Variants in PRKCE observed in about 807,000 individuals in gnomAD.
PRKCE encodes protein kinase C epsilon type.
Under a neutral mutation model 85.4 loss-of-function variants are expected in PRKCE, and 16 were observed. That is an observed-to-expected ratio of 0.19 (90% CI 0.13 to 0.28). The LOEUF (loss-of-function observed/expected upper bound fraction) is 0.28. Among genes scored for constraint, PRKCE ranks in the 10% least tolerant of loss-of-function variants. The pLI, the probability that PRKCE is intolerant of heterozygous loss-of-function variation, is 1.00. For synonymous variants in PRKCE, 388 were observed against 371.5 expected (o/e 1.04, Z -0.51); for missense variants, 573 against 975.2 (o/e 0.59, Z 5.49).
At position 46,111,130 on chromosome 2, in the gene PRKCE, A is replaced by T. The variant is rs80048765; in HGVS notation, c.1592+24768A>T. Among the ~76,000 whole-genome samples, 861 of 152,292 alleles carry T rather than the reference A, an allele frequency of 5.7e-3. 10 individuals carry two copies. Among genetic ancestry groups the T allele is most frequent in the African/African-American group, 0.02 (817 of 41,572 alleles). ...TGTGATCTATCTTGATGACCATTAC[A>T]TGCAAGCTTGAGAAGAATGTGAATT... On this transcript the variant is annotated intron_variant, in intron 11 of 14. Coordinates refer to ENST00000306156, the MANE Select transcript of PRKCE (RefSeq NM_005400.3).
At chr2:45,659,768 A>G (rs1213646951) in intron 1 of PRKCE, among the ~76,000 whole-genome samples, 1 of 151,390 alleles carries the variant, frequency 6.6e-6, no homozygotes, top group East Asian at 1.9e-4. Flanking sequence ...GTTCTCAGTA[A>G]GGCCTTTTCT....
intron 1 of PRKCE, chr2:45,686,438 T>C (rs1285207513): frequency 6.6e-6 from 1 of 152,230 alleles, no homozygotes; most frequent in Admixed American, 6.5e-5. Context: ...GAAAAAGGTA[T>C]ACATGCAGAA....
chr2:45,809,320 TC>T (rs201375092), intron 1 of PRKCE, among the ~76,000 whole-genome samples: 1,883 of 152,316 alleles, frequency 0.012, 14 homozygotes, highest in Middle Eastern at 0.02. Flanking sequence ...CATTCATAAC[TC>T]TTTTTGATAC....
chr2:45,919,308 G>C (rs1016210936), intron 2 of PRKCE, among the ~76,000 whole-genome samples: 2 of 152,198 alleles, frequency 1.3e-5, no homozygotes, highest in African/African-American at 4.8e-5. Context: ...GGCTGGGCTG[G>C]GCCGTGGACT....
rs1433805605 is a variant in PRKCE, at chr2:46,085,748, T to G, written c.1438-460T>G. ...ATCTGCAAAATCCGTTTTTTTTTTT[T>G]GTTTTTGTTTTTTTTTTTTTTTTTA... On this transcript the variant is annotated intron_variant, in intron 10 of 14. Transcript: ENST00000306156. 2.4e-3 allele frequency among the ~76,000 whole-genome samples: 85 copies of G among 35,430 alleles called. 12 individuals carry two copies. The highest frequency in any genetic ancestry group is 8.1e-3 in the African/African-American group (62 of 7,674). 23.2% of individuals were successfully genotyped at this position (35,430 alleles called of 152,430 possible).
At chr2:45,975,078 A>T (rs1001239966) in intron 2 of PRKCE, among the ~76,000 whole-genome samples, 3 of 152,192 alleles carry the variant, frequency 2.0e-5, no homozygotes, top group Non-Finnish European at 4.4e-5. Flanking sequence ...TCTCTGGGTT[A>T]GAATCTGGGC....
chr2:45,972,251 G>A (rs986904039), intron 2 of PRKCE, among the ~76,000 whole-genome samples: 2 of 152,022 alleles, frequency 1.3e-5, no homozygotes, highest in Admixed American at 6.6e-5. Context: ...TATACCTGTT[G>A]GCCATTTGTA....
At chr2:45,766,987 G>C (rs1048515619) in intron 1 of PRKCE, among the ~76,000 whole-genome samples, 1 of 151,898 alleles carries the variant, frequency 6.6e-6, no homozygotes, top group Non-Finnish European at 1.5e-5. Flanking sequence ...GTTGCAGTGA[G>C]CTGAGATCAG....
chr2:46,138,930 T>G lies in PRKCE; in HGVS notation c.1593-6163T>G, dbSNP rs867567684. 1.3e-5 allele frequency among the ~76,000 whole-genome samples: 2 copies of G among 152,124 alleles called. No individual in the cohort carries two copies. Among genetic ancestry groups the G allele is most frequent in the African/African-American group, 4.8e-5 (2 of 41,412 alleles). On this transcript the variant is annotated intron_variant, in intron 11 of 14. Coordinates refer to ENST00000306156, the MANE Select transcript of PRKCE (RefSeq NM_005400.3). The surrounding 1 kb of genome is among the most constrained non-coding windows in gnomAD (Gnocchi z 4.2). ...GGGAAGCTGAAGAGCCTGGTTCTTA[T>G]CACCTTCCTATAGCCCACATCCCAG...
At chr2:45,794,114 G>A (rs1687233022) in intron 1 of PRKCE, among the ~76,000 whole-genome samples, 1 of 152,146 alleles carries the variant, frequency 6.6e-6, no homozygotes, top group Admixed American at 6.5e-5. Context: ...TCAGCTTGTT[G>A]CAAATGGAAT....
chr2:45,669,743 G>A (rs1225407919), intron 1 of PRKCE, among the ~76,000 whole-genome samples: 1 of 152,178 alleles, frequency 6.6e-6, no homozygotes, highest in African/African-American at 2.4e-5. Context: ...GGGCATGGTG[G>A]CTCATGCCTG....
intron 2 of PRKCE, among the ~76,000 whole-genome samples, chr2:45,969,506 C>T (rs1286661554): frequency 6.6e-6 from 1 of 152,276 alleles, no homozygotes; most frequent in East Asian, 1.9e-4. Flanking sequence ...GGCATGGATC[C>T]GGCAACTCTG....
chr2:46,065,531 G>T (rs573385790), intron 10 of PRKCE, among the ~76,000 whole-genome samples: 1 of 152,224 alleles, frequency 6.6e-6, no homozygotes, highest in Non-Finnish European at 1.5e-5. Context: ...CATCTGAATA[G>T]CCAAAAGTTA....
rs374574419 is a variant in PRKCE, at chr2:45,669,457, C to G, written c.348+17009C>G. On this transcript the variant is annotated intron_variant, in intron 1 of 14. Coordinates refer to ENST00000306156, the MANE Select transcript of PRKCE (RefSeq NM_005400.3). ...CAGCCTCAGTGCTGGGCTGTGTTCT[C>G]TTACCGCGCAGCGTGGCTGAAGCCT... is the stretch of plus-strand genomic sequence containing the variant. Among the ~76,000 whole-genome samples the G allele has an allele frequency of 8.3e-4, 127 of 152,362 alleles. No homozygotes were observed. The South Asian group carries it at 0.01, about 12-fold the overall frequency.
chr2:45,825,502 T>C (rs948402239), intron 1 of PRKCE, among the ~76,000 whole-genome samples: 3 of 152,306 alleles, frequency 2.0e-5, no homozygotes, highest in Non-Finnish European at 2.9e-5. Context: ...ACTTTTTTTT[T>C]CCCCACCACA....
rs184704530 is a variant in PRKCE at position 45,851,448 on chromosome 2, T to C, written c.412+8385T>C. Among the ~76,000 whole-genome samples the C allele has an allele frequency of 5.1e-3, 773 of 152,224 alleles. 4 individuals are homozygous for C. The highest frequency in any genetic ancestry group is 0.018 in the African/African-American group (745 of 41,532). On this transcript the variant is annotated intron_variant, in intron 2 of 14. Transcript: ENST00000306156. ...TCAAGTGGATATGCTTGTGTGTGTTTGGGAGGGGTATGTGTGTGTGTTTGC... is the reference window on the plus strand; with the variant it reads ...TCAAGTGGATATGCTTGTGTGTGTTCGGGAGGGGTATGTGTGTGTGTTTGC...
chr2:45,991,060 G>A (rs1045135187), intron 6 of PRKCE, among the ~76,000 whole-genome samples: 7 of 150,286 alleles, frequency 4.7e-5, no homozygotes, highest in African/African-American at 1.7e-4. Context: ...AGGCTGGAGT[G>A]CAGCGGTGCA....
chr2:46,151,263 T>C (rs931590010), intron 13 of PRKCE, 34 bp downstream of exon 13: 1 of 1,520,784 alleles, frequency 6.6e-7, no homozygotes, highest in Non-Finnish European at 8.9e-7. Context: ...GGCTGTGCTC[T>C]CCTGGGCTCC....
chr2:45,694,081 C>T (rs1677952154), intron 1 of PRKCE, among the ~76,000 whole-genome samples: 1 of 151,512 alleles, frequency 6.6e-6, no homozygotes, highest in Non-Finnish European at 1.5e-5. Flanking sequence ...TTTATTTCTG[C>T]TGTATCCTAA....
Sources: gnomAD v4.1 joint callset for allele counts (sites outside exome capture counted in the v4.1 genomes callset) on GRCh38, gnomAD v4.1.1 for gene constraint, Gnocchi (gnomAD v3.1) non-coding constraint, MANE v1.5 for transcripts, NCBI Gene and HGNC (gene_info 2026-07-23, HGNC 2026-07-21) for gene names.